Variants in SLC22A31 observed in about 807,000 individuals in gnomAD.
SLC22A31 encodes solute carrier family 22 member 31.
SLC22A31 carries 42 observed loss-of-function variants against 27.4 expected under a neutral mutation model. That is an observed-to-expected ratio of 1.53 (90% CI 1.20 to 1.98). SLC22A31 has a LOEUF of 1.98. Among genes scored for constraint, SLC22A31 ranks in the 30% most tolerant of loss-of-function variants. SLC22A31 has a pLI of 0.00. For synonymous variants in SLC22A31, 290 were observed against 230.8 expected (o/e 1.26, Z -2.33); for missense variants, 593 against 479.9 (o/e 1.24, Z -2.20).
Position 89,198,674 on chromosome 16 carries a change from C to T in SLC22A31, c.576G>A (p.Leu192=), listed in dbSNP as rs989214825. The T allele has an allele frequency of 7.8e-6, 12 of 1,535,656 alleles. No individual in the cohort carries two copies. In the African/African-American group the frequency reaches 1.5e-4, roughly 19 times the overall value. Residue 192 remains leucine, a synonymous_variant, in exon 5 of 9, where the codon TTG becomes TTA. Transcript: ENST00000682282. ...ASGVGPGDSS[L]EENSLATELT... The stretch of plus-strand genomic sequence containing the variant: ...GACCTGTAGCCAGGGAGTTCTCCTC[C>T]AAGGAACTGTCCCCGGGGCCCACGC...
upstream of SLC22A31, among the ~76,000 whole-genome samples, chr16:89,200,603 G>C (rs1248178889): frequency 6.6e-6 from 1 of 152,062 alleles, no homozygotes; most frequent in African/African-American, 2.4e-5. Flanking sequence ...GGCAGCCCTT[G>C]TGAAGATGTG....
At chr16:89,196,931 C>T (rs1198418899) in intron 8 of SLC22A31, among the ~76,000 whole-genome samples, 62 of 146,124 alleles carry the variant, frequency 4.2e-4, no homozygotes, top group African/African-American at 1.5e-3. Context: ...GGTGACAGAG[C>T]GAGACTCCAT....
Position 89,199,059 on chromosome 16 carries a change from C to G in SLC22A31, c.416G>C (p.Gly139Ala), listed in dbSNP as rs1350594042. Residue 139 changes from glycine to alanine, a missense_variant, in exon 4 of 9, where the codon GGT (glycine) becomes GCT (alanine). By Grantham distance (60) the Gly-to-Ala change is moderately conservative (BLOSUM62 0). Transcript: ENST00000682282. Reference sequence around the variant, plus strand: ...CAGCAAGAGTCCACTCATCAGGGCACCCAGCCCCTGCAGAAGACGCCAGTC... The same window carrying G: ...CAGCAAGAGTCCACTCATCAGGGCAGCCAGCCCCTGCAGAAGACGCCAGTC... The part of the protein sequence containing the change: ...VQDWRLLQGL[G>A]ALMSGLLLLF... 12 of 1,535,460 alleles carry G rather than the reference C, an allele frequency of 7.8e-6. No homozygotes were observed. The South Asian group carries it at 8.3e-5, about 11-fold the overall frequency.
chr16:89,197,437 GCT>G, intron 7 of SLC22A31, 28 bp from the exon 8 acceptor site: 1 of 1,502,958 alleles, frequency 6.7e-7, no homozygotes, highest in Non-Finnish European at 9.0e-7. Context: ...GGGTTCCCAG[GCT>G]CTCTCCCCAG....
chr16:89,200,578 G>A (rs1162461974), upstream of SLC22A31, among the ~76,000 whole-genome samples: 1 of 152,206 alleles, frequency 6.6e-6, no homozygotes, highest in Non-Finnish European at 1.5e-5. Context: ...AAGCCCGGCG[G>A]GTTCCAGGGC....
chr16:89,201,189 G>T (rs1916581785), upstream of SLC22A31: 2 of 377,368 alleles, frequency 5.3e-6, no homozygotes, highest in South Asian at 2.6e-4. Context: ...CAGGTAGGAT[G>T]GAGAAAGGAC....
At chr16:89,200,073 G>C (rs1170760449) in intron 1 of SLC22A31, 2 of 355,872 alleles carry the variant, frequency 5.6e-6, no homozygotes, top group African/African-American at 4.2e-5. Flanking sequence ...CCCTAGATAG[G>C]GCCTCCCCCA....
Position 89,195,940 on chromosome 16 carries a change from A to G in SLC22A31, c.*59T>C, listed in dbSNP as rs1459441583. 1.3e-5 allele frequency: 19 copies of G among 1,429,306 alleles called. No individual in the cohort carries two copies. The highest frequency in any genetic ancestry group is 1.7e-5 in the Non-Finnish European group (19 of 1,091,420). 88.5% of individuals were successfully genotyped at this position (1,429,306 alleles called of 1,614,324 possible). A position where few individuals can be genotyped will look rare whatever the true frequency, so the allele number is the denominator to read the frequency against. ...CCTGGACCAGACGTCTGGGGTACTC[A>G]GCCATGCCCCAGGCCTTGACTTTGG... On this transcript the variant is annotated 3_prime_UTR_variant, in exon 9 of 9. Transcript: ENST00000682282.
intron 6 of SLC22A31, 37 bp from the exon 7 acceptor site, chr16:89,198,373 C>A: frequency 6.5e-7 from 1 of 1,533,790 alleles, no homozygotes; most frequent in Non-Finnish European, 8.7e-7. Context: ...CCAGCCAGAG[C>A]CGGGGACTCT....
Position 89,197,866 on chromosome 16 carries a change from G to A in SLC22A31, c.922+256C>T, listed in dbSNP as rs559439631. On this transcript the variant is annotated intron_variant, in intron 7 of 8. Coordinates refer to ENST00000682282, the MANE Select transcript of SLC22A31 (RefSeq NM_001384763.1). ...TCTGGGCAGAGCTTTTACCCAGCCC[G>A]GCCTCTTGACCTCTCATGCCTGTGC... is the stretch of plus-strand genomic sequence containing the variant. Among the ~76,000 whole-genome samples the A allele has an allele frequency of 4.6e-5, 7 of 152,322 alleles. No individual in the cohort carries two copies. The East Asian group carries it at 9.6e-4, about 21-fold the overall frequency.
intron 1 of SLC22A31, chr16:89,200,160 G>C (rs113172459): frequency 3.5e-5 from 7 of 201,068 alleles, no homozygotes; most frequent in Non-Finnish European, 4.9e-5. Flanking sequence ...GAGGGACCCC[G>C]GGGACACCCA....
rs776372724 is a variant in SLC22A31, at chr16:89,198,271, TAGA to T, written c.770_772del (p.Phe257del). 58 of 1,535,732 alleles carry T rather than the reference TAGA, an allele frequency of 3.8e-5. No individual in the cohort carries two copies. The Admixed American group carries it at 1.0e-3, about 26-fold the overall frequency. ...GCCGGCCTCCAGGAAGTAGGGCAGG[TAGA>T]AGGTCGGCACCTGAGGTGCCAGGCT... is the stretch of plus-strand genomic sequence containing the variant. On this transcript the variant is annotated inframe_deletion, in exon 7 of 9. Coordinates refer to ENST00000682282, the MANE Select transcript of SLC22A31 (RefSeq NM_001384763.1).
At chr16:89,198,101 C>T (rs904603963) in intron 7 of SLC22A31, 21 bp downstream of exon 7, 4 of 1,532,858 alleles carry the variant, frequency 2.6e-6, no homozygotes, top group Non-Finnish European at 3.5e-6. Context: ...TCCTGTATGG[C>T]CTGCGGGGCC....
chr16:89,200,173 G>A, intron 1 of SLC22A31: 1 of 188,738 alleles, frequency 5.3e-6, no homozygotes, highest in Non-Finnish European at 1.1e-5. Flanking sequence ...GACACCCAGG[G>A]CCTTGGTGGC....
In SLC22A31 at chr16:89,199,731, A is replaced by T. The variant is rs1010750422; in HGVS notation, c.110T>A (p.Leu37Gln). 1 of 405,258 alleles carries T rather than the reference A, an allele frequency of 2.5e-6. No homozygotes were observed. Among genetic ancestry groups the T allele is most frequent in the African/African-American group, 2.1e-5 (1 of 48,756 alleles). 25.1% of individuals were successfully genotyped at this position (405,258 alleles called of 1,614,324 possible). A position where few individuals can be genotyped will look rare whatever the true frequency, so the allele number is the denominator to read the frequency against. Residue 37 changes from leucine (L) to glutamine (Q), a missense_variant, in exon 2 of 9, where the codon CTG becomes CAG. Transcript: ENST00000682282. Reference sequence around the variant, plus strand: ...GCCTCACCGGTCACAGCCTGCTCCCAGGATGACACAGCCCAGCAGCCAGCC... The same window carrying T: ...GCCTCACCGGTCACAGCCTGCTCCCTGGATGACACAGCCCAGCAGCCAGCC... ...LLGWLLGCVI[L>Q]GAGCDRFGRR...
intron 3 of SLC22A31, 84 bp downstream of exon 3, chr16:89,199,329 C>T (rs992584634): frequency 2.4e-5 from 21 of 879,460 alleles, no homozygotes; most frequent in South Asian, 1.1e-4. Context: ...CCCTGCAGCT[C>T]GGGGCCCTCG....
At chr16:89,200,715 A>G (rs1916508748), upstream of SLC22A31, among the ~76,000 whole-genome samples, 2 of 152,178 alleles carry the variant, frequency 1.3e-5, no homozygotes, top group African/African-American at 4.8e-5. Context: ...TCTCAGCCCC[A>G]GCGCGGAAAG....
chr16:89,199,299 A>G lies in SLC22A31; in HGVS notation c.284-108T>C, dbSNP rs1916317664. On this transcript the variant is annotated intron_variant, in intron 3 of 8. Coordinates refer to ENST00000682282, the MANE Select transcript of SLC22A31 (RefSeq NM_001384763.1). ...GACCTGCCCAGGAGCGGGATGCCCA[A>G]GGGACTCACTGCTCACTGTCCCTGC... 8.8e-6 allele frequency: 10 copies of G among 1,132,682 alleles called. 1 individual carries two copies. The South Asian group carries it at 1.6e-4, about 18-fold the overall frequency. 70.2% of individuals were successfully genotyped at this position (1,132,682 alleles called of 1,614,324 possible).
rs1001239970 is a variant in SLC22A31 at position 89,198,788 on chromosome 16, G to A, written c.462C>T (p.Ala154=). The A allele has an allele frequency of 6.5e-7, 1 of 1,530,592 alleles. No individual in the cohort carries two copies. Among genetic ancestry groups the A allele is most frequent in the African/African-American group, 1.4e-5 (1 of 72,930 alleles). The allele number at this position is 1,530,592 out of a possible 1,614,324, so 94.8% of individuals were successfully genotyped here. A position where few individuals can be genotyped will look rare whatever the true frequency, so the allele number is the denominator to read the frequency against. ...GLLLLFWGFP[A]LFPESPCWLL... is the part of the protein sequence containing the mutation. ...GCCAGCAGGGAGACTCGGGGAACAG[G>A]GCCGGGAACCTGCAGCGTTGGTGAG... Residue 154 remains alanine (A), a synonymous_variant, in exon 5 of 9, where the codon GCC becomes GCT. Transcript: ENST00000682282.
Sources: gnomAD v4.1 joint callset for allele counts (sites outside exome capture counted in the v4.1 genomes callset) on GRCh38, gnomAD v4.1.1 for gene constraint, MANE v1.5 for transcripts, NCBI Gene and HGNC (gene_info 2026-07-23, HGNC 2026-07-21) for gene names.